SERTAD2: variants seen among roughly 807,000 people sequenced by gnomAD.
The protein encoded by SERTAD2 is SERTA domain-containing protein 2.
In SERTAD2, 2 loss-of-function variants were observed where a neutral mutation model predicts 15.4. The observed-to-expected ratio is 0.13, with a 90% CI of 0.05 to 0.41. The LOEUF is 0.41. Among genes scored for constraint, SERTAD2 ranks in the 10% least tolerant of loss-of-function variants. The probability of loss-of-function intolerance (pLI) is 0.99; values close to 1 mark genes in which losing one functional copy is unlikely to be tolerated. For synonymous variants in SERTAD2, 180 were observed against 178.0 expected, an observed-to-expected ratio of 1.01 and a Z score of -0.09; for missense variants, 333 against 409.7, an observed-to-expected ratio of 0.81 and a Z score of 1.62.
intron 1 of SERTAD2, among the ~76,000 whole-genome samples, chr2:64,649,074 T>C (rs916511011): frequency 6.6e-6 from 1 of 152,202 alleles, no homozygotes; most frequent in Admixed American, 6.5e-5. Context: ...TATTATAAAA[T>C]GGGATAACCA....
intron 1 of SERTAD2, among the ~76,000 whole-genome samples, chr2:64,649,791 G>C (rs143941201): frequency 1.4e-3 from 210 of 152,278 alleles, no homozygotes; most frequent in Non-Finnish European, 2.3e-3. Context: ...CTCCAGATCT[G>C]TCCTCTGCTC....
In SERTAD2 at chr2:64,635,849, A is replaced by ATGCACCCTTGCT; in HGVS notation, c.*77_*78insAGCAAGGGTGCA. On this transcript the variant is annotated 3_prime_UTR_variant, in exon 2 of 2. Coordinates refer to ENST00000313349, the MANE Select transcript of SERTAD2 (RefSeq NM_014755.3). The stretch of plus-strand genomic sequence containing the variant: ...CTCTGAAAAAGGCAAGCAAGGGTGC[A>ATGCACCCTTGCT]TGCACAGTGTGGAGAACTGTCAGGG... 8.9e-7 allele frequency: 1 copy of ATGCACCCTTGCT among 1,122,218 alleles called. No homozygotes were observed. The highest frequency in any genetic ancestry group is 1.3e-6 in the Non-Finnish European group (1 of 764,534). 69.5% of individuals were successfully genotyped at this position (1,122,218 alleles called of 1,614,324 possible).
intron 1 of SERTAD2, among the ~76,000 whole-genome samples, chr2:64,649,767 A>G (rs1389464393): frequency 6.6e-6 from 1 of 152,216 alleles, no homozygotes; most frequent in Non-Finnish European, 1.5e-5. Context: ...CTGCTATAGC[A>G]GTTGCACAGT....
rs745782902 is a variant in SERTAD2, at chr2:64,636,101, A to G, written c.771T>C (p.Asp257=). The change falls in exon 2 of 2, where the codon GAT becomes GAC. Residue 257 remains aspartate, a synonymous_variant. Coordinates refer to ENST00000313349, the MANE Select transcript of SERTAD2 (RefSeq NM_014755.3). Reference sequence around the variant, plus strand: ...CTGATGAGGAAGTGCAGGGGTCAAAATCATACATGGACGTATCAATGTCAG... The same window carrying G: ...CTGATGAGGAAGTGCAGGGGTCAAAGTCATACATGGACGTATCAATGTCAG... ...LFADIDTSMY[D]FDPCTSSSGT... is the part of the protein sequence containing the mutation. 5.6e-6 allele frequency: 9 copies of G among 1,614,072 alleles called. No homozygotes were observed. The East Asian group carries it at 6.7e-5, about 12-fold the overall frequency.
At chr2:64,643,116 C>T (rs1021426630) in intron 1 of SERTAD2, among the ~76,000 whole-genome samples, 4 of 152,168 alleles carry the variant, frequency 2.6e-5, no homozygotes, top group African/African-American at 7.2e-5. Flanking sequence ...TTGTGCAGCT[C>T]GGCACCACCC....
intron 1 of SERTAD2, among the ~76,000 whole-genome samples, chr2:64,642,397 A>C (rs1674794972): frequency 6.6e-6 from 1 of 152,124 alleles, no homozygotes; most frequent in East Asian, 1.9e-4. Flanking sequence ...CCACTACTAC[A>C]TTTTGCATTT....
chr2:64,653,724 G>C lies in SERTAD2; in HGVS notation c.-109C>G, dbSNP rs899644720. On this transcript the variant is annotated 5_prime_UTR_variant, in exon 1 of 2. Transcript: ENST00000313349. ...TGCCCCGCTCCAGGGGCCCGAGGGT[G>C]GCGCCGGGGAGCGGGCAGCAGGCGA... 1 of 152,350 alleles carries C rather than the reference G, an allele frequency of 6.6e-6. No homozygotes were observed. Among genetic ancestry groups the C allele is most frequent in the Non-Finnish European group, 1.5e-5 (1 of 68,162 alleles). The allele number at this position is 152,350 out of a possible 1,614,324, so 9.4% of individuals were successfully genotyped here. A position where few individuals can be genotyped will look rare whatever the true frequency, so the allele number is the denominator to read the frequency against.
At chr2:64,636,979 T>C (rs2104338345) in intron 1 of SERTAD2, 104 bp from the exon 2 acceptor site, 3 of 764,430 alleles carry the variant, frequency 3.9e-6, no homozygotes, top group Admixed American at 5.2e-5. Context: ...CTCAGTTTCC[T>C]GCCCAGGGTT....
intron 1 of SERTAD2, among the ~76,000 whole-genome samples, chr2:64,643,567 T>A (rs768312997): frequency 1.3e-5 from 2 of 152,218 alleles, no homozygotes; most frequent in African/African-American, 2.4e-5. Context: ...AAAGGGGAGC[T>A]TTAACAAGCT....
chr2:64,653,867 G>T lies in SERTAD2; in HGVS notation c.-252C>A. 2.0e-5 allele frequency: 3 copies of T among 153,036 alleles called. No individual in the cohort carries two copies. The South Asian group carries it at 5.6e-4, about 28-fold the overall frequency. The allele number at this position is 153,036 out of a possible 1,614,324, so 9.5% of individuals were successfully genotyped here. A position where few individuals can be genotyped will look rare whatever the true frequency, so the allele number is the denominator to read the frequency against. On this transcript the variant is annotated 5_prime_UTR_variant, in exon 1 of 2. Transcript: ENST00000313349. ...AGGAGGCGGGCGGAGGGGGCGCCCT[G>T]ACCGAGCGAGCGGTACGTCGTGCTC...
chr2:64,644,228 G>T (rs1177919763), intron 1 of SERTAD2, among the ~76,000 whole-genome samples: 1 of 152,206 alleles, frequency 6.6e-6, no homozygotes, highest in Non-Finnish European at 1.5e-5. Flanking sequence ...AGAAAGGGGT[G>T]CCCCTGGTAA....
intron 1 of SERTAD2, among the ~76,000 whole-genome samples, chr2:64,650,941 C>T (rs932964702): frequency 1.3e-5 from 2 of 152,162 alleles, no homozygotes; most frequent in African/African-American, 2.4e-5. Flanking sequence ...TAATCAGAGA[C>T]GGCGCCTGCG....
chr2:64,652,786 T>TA (rs149299637), intron 1 of SERTAD2, among the ~76,000 whole-genome samples: 2,612 of 152,282 alleles, frequency 0.017, 66 homozygotes, highest in African/African-American at 0.057. Context: ...TCGTGAAACT[T>TA]AGAAACTAAA....
rs758381863 is a variant in SERTAD2, at chr2:64,636,417, G to A, written c.455C>T (p.Thr152Met). The A allele has an allele frequency of 2.5e-5, 40 of 1,614,088 alleles. No individual in the cohort carries two copies. The highest frequency in any genetic ancestry group is 1.7e-4 in the Admixed American group (10 of 60,010). The change falls in exon 2 of 2, where the codon ACG becomes ATG. Residue 152 changes from threonine (T) to methionine (M), a missense_variant. By Grantham distance (81) the Thr-to-Met change is moderately conservative (BLOSUM62 -1). Transcript: ENST00000313349. ...TFCTSQAMQP[T>M]APTKLSPPAL... ...TGGAGGTGACAGTTTGGTGGGAGCC[G>A]TGGGCTGCATGGCCTGGGAGGTGCA...
chr2:64,638,135 C>A (rs563803066), intron 1 of SERTAD2, among the ~76,000 whole-genome samples: 17 of 152,354 alleles, frequency 1.1e-4, no homozygotes, highest in African/African-American at 4.1e-4. Flanking sequence ...TCAGGGACTC[C>A]TGCTAATCCT....
intron 1 of SERTAD2, among the ~76,000 whole-genome samples, chr2:64,639,999 T>C (rs1674737015): frequency 6.6e-6 from 1 of 151,784 alleles, no homozygotes; most frequent in African/African-American, 2.4e-5. Flanking sequence ...ACCTCAGAGG[T>C]GTGAATACGG....
chr2:64,643,869 AAAAAC>A (rs139300641), intron 1 of SERTAD2, among the ~76,000 whole-genome samples: 65,083 of 150,758 alleles, frequency 0.43, 14,213 homozygotes, highest in East Asian at 0.46. Flanking sequence ...CCGTCTCCAA[AAAAAC>A]AAAACAAAAC....
intron 1 of SERTAD2, among the ~76,000 whole-genome samples, chr2:64,641,731 T>C (rs1674782222): frequency 6.6e-6 from 1 of 152,162 alleles, no homozygotes; most frequent in African/African-American, 2.4e-5. Flanking sequence ...ACCTCGGAGT[T>C]GAACGGTTTT....
intron 1 of SERTAD2, among the ~76,000 whole-genome samples, chr2:64,649,596 A>G (rs75889447): frequency 0.019 from 2,929 of 152,322 alleles, 108 homozygotes; most frequent in African/African-American, 0.068. Context: ...AAAGGAAAAA[A>G]GCTTAGAATT....
Sources: allele counts gnomAD v4.1 joint callset (sites outside exome capture counted in the v4.1 genomes callset), GRCh38; gene constraint gnomAD v4.1.1; transcripts MANE v1.5; gene names NCBI Gene and HGNC (gene_info 2026-07-23, HGNC 2026-07-21).